The following CAST variants were observed in gnomAD, a reference collection of about 807,000 sequenced individuals.
CAST encodes calpastatin, also known as MIR583 host.
Under a neutral mutation model 119.6 loss-of-function variants are expected in CAST, and 76 were observed. That is an observed-to-expected ratio of 0.64 (90% CI 0.53 to 0.77). The LOEUF (loss-of-function observed/expected upper bound fraction) is 0.77. CAST is among the 30% of genes least tolerant of loss of function. CAST has a pLI of 0.00. For missense variants in CAST, 953 were observed against 946.5 expected, an observed-to-expected ratio of 1.01 and a Z score of -0.09; for synonymous variants, 319 against 331.6, an observed-to-expected ratio of 0.96 and a Z score of 0.41.
chr5:96,532,361 A>G (rs926774305), intron 1 of CAST, among the ~76,000 whole-genome samples: 1 of 152,206 alleles, frequency 6.6e-6, no homozygotes, highest in African/African-American at 2.4e-5. Flanking sequence ...AAGGGTATAA[A>G]CAAGGTCTGA....
upstream of CAST, among the ~76,000 whole-genome samples, chr5:96,661,419 G>GAAAA (rs34922511): frequency 1.1e-5 from 1 of 88,400 alleles, no homozygotes; most frequent in Non-Finnish European, 2.2e-5. Context: ...TGCCTCTCCA[G>GAAAA]AAAAAAAAAA....
chr5:96,354,110 C>T, the CAST span, among the ~76,000 whole-genome samples: 1 of 152,098 alleles, frequency 6.6e-6, no homozygotes, highest in Non-Finnish European at 1.5e-5. Context: ...AAATACATAT[C>T]AAGAATCCGA....
rs143099999 is a variant in CAST, at chr5:96,730,887, G to A, written c.630+27G>A. The A allele has an allele frequency of 2.6e-5, 40 of 1,515,024 alleles. 1 individual carries two copies. Among genetic ancestry groups the A allele is most frequent in the African/African-American group, 2.6e-4 (19 of 73,368 alleles). The allele number at this position is 1,515,024 out of a possible 1,614,324, so 93.8% of individuals were successfully genotyped here. On this transcript the variant is annotated intron_variant, in intron 9 of 31. Transcript: ENST00000675179. ...TGAGCACACACAAGCAGACGGAAAC[G>A]TGGGCCTCTGTGCTTCTCAAGTTTC... is the stretch of plus-strand genomic sequence containing the variant.
At chr5:96,604,537 C>T (rs1747216376) in intron 1 of CAST, among the ~76,000 whole-genome samples, 1 of 152,156 alleles carries the variant, frequency 6.6e-6, no homozygotes, top group South Asian at 2.1e-4. Flanking sequence ...ATGGAACTGG[C>T]TTTTGCAGGA....
the CAST span, among the ~76,000 whole-genome samples, chr5:96,195,446 GT>G: frequency 6.6e-6 from 1 of 152,302 alleles, no homozygotes; most frequent in East Asian, 1.9e-4. Flanking sequence ...ATTCTGTTAA[GT>G]TGTCTGTAGC....
chr5:96,159,660 A>AT, the CAST span, among the ~76,000 whole-genome samples: 4 of 151,994 alleles, frequency 2.6e-5, no homozygotes, highest in Admixed American at 1.3e-4. Flanking sequence ...TATAAACTTA[A>AT]TTTTTTTTAG....
chr5:96,045,070 T>TG, the CAST span, among the ~76,000 whole-genome samples: 1 of 152,108 alleles, frequency 6.6e-6, no homozygotes, highest in African/African-American at 2.4e-5. Context: ...TTCATAGAGC[T>TG]GGCCGGGCGC....
the CAST span, among the ~76,000 whole-genome samples, chr5:96,442,717 C>T: frequency 6.6e-6 from 1 of 152,230 alleles, no homozygotes; most frequent in African/African-American, 2.4e-5. Context: ...AATCTACAAA[C>T]TTCTACAGGT....
chr5:96,377,017 TAAAAC>T, the CAST span, among the ~76,000 whole-genome samples: 1 of 151,860 alleles, frequency 6.6e-6, no homozygotes, highest in African/African-American at 2.4e-5. Flanking sequence ...AATTAAAAAG[TAAAAC>T]AAAATAAATA....
the CAST span, among the ~76,000 whole-genome samples, chr5:96,269,122 T>A: frequency 9.9e-5 from 15 of 152,284 alleles, no homozygotes; most frequent in Admixed American, 3.3e-4. Flanking sequence ...CTCTCTTTTT[T>A]AAAAATAAAT....
At chr5:96,078,545 C>T in the CAST span, among the ~76,000 whole-genome samples, 1 of 152,144 alleles carries the variant, frequency 6.6e-6, no homozygotes, top group South Asian at 2.1e-4. Context: ...AGGAATGTGC[C>T]ACCACGCCCG....
intron 3 of CAST, chr5:96,702,681 T>C (rs905287170): frequency 1.5e-6 from 1 of 684,436 alleles, no homozygotes; most frequent in Non-Finnish European, 1.8e-6. Flanking sequence ...GCCAGGCGCA[T>C]GACGAGTCCA....
the CAST span, among the ~76,000 whole-genome samples, chr5:96,103,139 G>A: frequency 6.6e-6 from 1 of 151,950 alleles, no homozygotes; most frequent in African/African-American, 2.4e-5. Context: ...AATTTGGAGG[G>A]CAGAAATATT....
At chr5:96,454,305 G>C in the CAST span, among the ~76,000 whole-genome samples, 1 of 152,254 alleles carries the variant, frequency 6.6e-6, no homozygotes, top group Admixed American at 6.5e-5. Flanking sequence ...CAAATAACCA[G>C]TCCAAGGTCT....
chr5:96,691,832 T>C (rs74451180), intron 2 of CAST, among the ~76,000 whole-genome samples: 2,171 of 152,322 alleles, frequency 0.014, 50 homozygotes, highest in African/African-American at 0.05. Flanking sequence ...GGTGCCTTTC[T>C]TCACAGAGTC....
chr5:96,651,258 C>T (rs1748091264), intron 1 of CAST, among the ~76,000 whole-genome samples: 1 of 152,184 alleles, frequency 6.6e-6, no homozygotes, highest in South Asian at 2.1e-4. Flanking sequence ...GGGACAAGAA[C>T]TTCGGTTTCT....
intron 1 of CAST, among the ~76,000 whole-genome samples, chr5:96,636,992 T>A (rs1326923417): frequency 6.6e-6 from 1 of 152,070 alleles, no homozygotes; most frequent in Non-Finnish European, 1.5e-5. Context: ...CTGGAATAGA[T>A]CACAGTCCCC....
the CAST span, among the ~76,000 whole-genome samples, chr5:96,420,951 GC>G: frequency 6.6e-6 from 1 of 152,194 alleles, no homozygotes; most frequent in Non-Finnish European, 1.5e-5. Context: ...GTAGCAACAA[GC>G]CCTAATTTTG....
chr5:96,204,888 C>G, the CAST span, among the ~76,000 whole-genome samples: 1 of 152,060 alleles, frequency 6.6e-6, no homozygotes, highest in Non-Finnish European at 1.5e-5. Context: ...AGTCCAGCAT[C>G]TATATATTCT....
Sources: gnomAD v4.1 joint callset for allele counts (sites outside exome capture counted in the v4.1 genomes callset) on GRCh38, gnomAD v4.1.1 for gene constraint, MANE v1.5 for transcripts, NCBI Gene and HGNC (gene_info 2026-07-23, HGNC 2026-07-21) for gene names.